EGFR: variants seen among roughly 807,000 people sequenced by gnomAD.
EGFR encodes the protein avian erythroblastic leukemia viral (v-erb-b) oncogene homolog.
A neutral mutation model predicts 143.0 loss-of-function variants in EGFR; 58 were observed. That is an observed-to-expected ratio of 0.41 (90% CI 0.33 to 0.50). The LOEUF (loss-of-function observed/expected upper bound fraction) is 0.50. EGFR is among the 20% of genes least tolerant of loss of function. EGFR has a pLI of 0.39. For missense variants in EGFR, 1,307 were observed against 1,579.0 expected (o/e 0.83, Z 2.92); for synonymous variants, 613 against 594.4 (o/e 1.03, Z -0.45).
At chr7:55,109,984 G>A in intron 1 of EGFR, 1 of 981,702 alleles carries the variant, frequency 1.0e-6, no homozygotes, top group South Asian at 4.7e-5. Context: ...AGGAGGCACA[G>A]AAAGAAAAAT....
At chr7:55,169,712 T>C (rs1286128406) in intron 15 of EGFR, among the ~76,000 whole-genome samples, 1 of 152,148 alleles carries the variant, frequency 6.6e-6, no homozygotes, top group Non-Finnish European at 1.5e-5. Flanking sequence ...GCCCCTCGCC[T>C]TCTGACGCTC....
intron 1 of EGFR, among the ~76,000 whole-genome samples, chr7:55,101,364 G>T (rs942750985): frequency 6.6e-6 from 1 of 152,200 alleles, no homozygotes; most frequent in East Asian, 1.9e-4. Flanking sequence ...GCATTTCCCC[G>T]TGTTCTTTCT....
intron 1 of EGFR, among the ~76,000 whole-genome samples, chr7:55,099,145 T>G (rs1791653919): frequency 6.6e-6 from 1 of 152,194 alleles, no homozygotes; most frequent in Non-Finnish European, 1.5e-5. Context: ...ATCGTGGTGG[T>G]GGCTTTCTCT....
At position 55,211,424 on chromosome 7, in the gene EGFR, A is replaced by ATATG. The variant is rs1454729923; in HGVS notation, c.*5808_*5811dup. On this transcript the variant is annotated 3_prime_UTR_variant, in exon 28 of 28. Coordinates refer to ENST00000275493, the MANE Select transcript of EGFR (RefSeq NM_005228.5). ...CAAGCAATAGCTTTATAGCTTCAAC[A>ATATG]TATGGTACGTTTTAACCTTGAAAGT... The ATATG allele has an allele frequency of 6.6e-6, 1 of 152,224 alleles. No individual in the cohort carries two copies. Among genetic ancestry groups the ATATG allele is most frequent in the Non-Finnish European group, 1.5e-5 (1 of 68,032 alleles). The allele number at this position is 152,224 out of a possible 1,614,324, so 9.4% of individuals were successfully genotyped here. A position where few individuals can be genotyped will look rare whatever the true frequency, so the allele number is the denominator to read the frequency against.
At chr7:55,146,475 GCTAAT>G in intron 3 of EGFR, 126 bp from the exon 4 acceptor site, 1 of 1,445,272 alleles carries the variant, frequency 6.9e-7, no homozygotes, top group Middle Eastern at 2.4e-4. Context: ...AGTTCACTGG[GCTAAT>G]TGCGGGACTC....
intron 1 of EGFR, among the ~76,000 whole-genome samples, chr7:55,067,352 G>A (rs878880050): frequency 6.8e-6 from 1 of 146,646 alleles, no homozygotes; most frequent in African/African-American, 2.8e-5. Flanking sequence ...TGTTCCACGT[G>A]TTGGAAGGCA....
intron 1 of EGFR, among the ~76,000 whole-genome samples, chr7:55,066,932 G>A (rs1488019540): frequency 6.6e-6 from 1 of 152,206 alleles, no homozygotes; most frequent in Non-Finnish European, 1.5e-5. Flanking sequence ...CAGAGACATG[G>A]AATTACAGAA....
chr7:55,110,780 C>T (rs190990989), intron 1 of EGFR, among the ~76,000 whole-genome samples: 1 of 152,306 alleles, frequency 6.6e-6, no homozygotes, highest in African/African-American at 2.4e-5. Flanking sequence ...CATTCGCTGG[C>T]CATTAGCCAC....
At chr7:55,046,941 G>A (rs1454069157) in intron 1 of EGFR, among the ~76,000 whole-genome samples, 1 of 152,074 alleles carries the variant, frequency 6.6e-6, no homozygotes, top group East Asian at 1.9e-4. Flanking sequence ...GGTGTGTCCG[G>A]TGATATTAAA....
Position 55,142,455 on chromosome 7 carries a change from T to A in EGFR, c.240+18T>A, listed in dbSNP as rs1347456433. ...TCTTAAAGGTTGGTGACTTTGATTT[T>A]CCTACACAAATAAAATTGGAGAAAA... On this transcript the variant is annotated intron_variant, in intron 2 of 27. Transcript: ENST00000275493. 1.9e-6 allele frequency: 3 copies of A among 1,613,360 alleles called. No homozygotes were observed. The highest frequency in any genetic ancestry group is 2.5e-6 in the Non-Finnish European group (3 of 1,179,958).
Position 55,144,708 on chromosome 7 carries a change from C to T in EGFR, c.424+1220C>T, listed in dbSNP as rs545377635. 2.4e-3 allele frequency among the ~76,000 whole-genome samples: 363 copies of T among 152,208 alleles called. 3 individuals are homozygous for T. Among genetic ancestry groups the T allele is most frequent in the Non-Finnish European group, 4.7e-3 (317 of 68,002 alleles). On this transcript the variant is annotated intron_variant, in intron 3 of 27. Coordinates refer to ENST00000275493, the MANE Select transcript of EGFR (RefSeq NM_005228.5). ...CCTCCTGTGAGATGGCCTGGTACAC[C>T]GGTTCCTACAGTGCGCCTCACACGC...
chr7:55,205,197 A>C, intron 27 of EGFR, 59 bp from the exon 28 acceptor site: 5 of 1,602,882 alleles, frequency 3.1e-6, no homozygotes, highest in Non-Finnish European at 4.3e-6. Context: ...GAACCCAGGG[A>C]TCCTGCATGG....
chr7:55,177,380 T>C (rs748151282), intron 19 of EGFR, among the ~76,000 whole-genome samples: 4 of 152,162 alleles, frequency 2.6e-5, no homozygotes, highest in African/African-American at 4.8e-5. Context: ...CCATGTGTGC[T>C]CTTAGAAAGA....
chr7:55,035,135 T>G (rs1235305235), intron 1 of EGFR, among the ~76,000 whole-genome samples: 6 of 152,190 alleles, frequency 3.9e-5, no homozygotes, highest in Non-Finnish European at 7.4e-5. Flanking sequence ...CTTTAAATAT[T>G]CACTTTAGGA....
chr7:55,134,716 T>A (rs992113968), intron 1 of EGFR, among the ~76,000 whole-genome samples: 2 of 152,236 alleles, frequency 1.3e-5, no homozygotes, highest in African/African-American at 4.8e-5. Context: ...TGATTTAAGA[T>A]TATTAGTTTA....
At chr7:55,142,496 G>A (rs759597010) in intron 2 of EGFR, 59 bp downstream of exon 2, 1 of 1,598,684 alleles carries the variant, frequency 6.3e-7, no homozygotes. Flanking sequence ...GTGGAGAAAG[G>A]CCTGGGCAGA....
intron 1 of EGFR, among the ~76,000 whole-genome samples, chr7:55,035,092 A>C (rs1326984228): frequency 6.6e-6 from 1 of 152,162 alleles, no homozygotes; most frequent in Non-Finnish European, 1.5e-5. Flanking sequence ...CGAGCTTAAC[A>C]CATAAGACTT....
intron 1 of EGFR, among the ~76,000 whole-genome samples, chr7:55,124,151 A>G (rs575580387): frequency 4.6e-5 from 7 of 152,356 alleles, no homozygotes; most frequent in Middle Eastern, 3.4e-3. Flanking sequence ...TCTCCCTATC[A>G]GTCATGGTTT....
rs890832548 is a variant in EGFR, at chr7:55,112,090, C to A, written c.89-30196C>A. Among the ~76,000 whole-genome samples, 3 of 152,278 alleles carry A rather than the reference C, an allele frequency of 2.0e-5. No individual in the cohort carries two copies. In the South Asian group the frequency reaches 6.2e-4, roughly 32 times the overall value. ...ACCCACGACGCCCTCACTAAGTGAC[C>A]CACAGGACTCACCGGAAGCAGGGCA... On this transcript the variant is annotated intron_variant, in intron 1 of 27. Transcript: ENST00000275493.
Sources: gnomAD v4.1 joint callset for allele counts (sites outside exome capture counted in the v4.1 genomes callset) on GRCh38, gnomAD v4.1.1 for gene constraint, MANE v1.5 for transcripts, NCBI Gene and HGNC (gene_info 2026-07-23, HGNC 2026-07-21) for gene names.